Variants in ZFHX3 observed in about 807,000 individuals in gnomAD.
ZFHX3 encodes the protein zinc finger homeobox protein 3.
ZFHX3 carries 42 observed loss-of-function variants against 279.1 expected under a neutral mutation model. That is an observed-to-expected ratio of 0.15 (90% CI 0.12 to 0.19). The LOEUF (loss-of-function observed/expected upper bound fraction) is 0.19, where lower values mean the gene tolerates loss of function less well. Among genes scored for constraint, ZFHX3 ranks in the 10% least tolerant of loss-of-function variants. The pLI, the probability that ZFHX3 is intolerant of heterozygous loss-of-function variation, is 1.00. For missense variants in ZFHX3, 4,981 were observed against 4,754.0 expected (o/e 1.05, Z -1.40); for synonymous variants, 2,293 against 1,957.8 (o/e 1.17, Z -4.52).
At chr16:72,988,539 A>G (rs189400336) in intron 1 of ZFHX3, among the ~76,000 whole-genome samples, 117 of 152,332 alleles carry the variant, frequency 7.7e-4, no homozygotes, top group South Asian at 1.7e-3. Flanking sequence ...ACTGCTCTAA[A>G]TCACTTCTTT....
chr16:73,858,068 C>G (rs917216988), intron 1 of ZFHX3, among the ~76,000 whole-genome samples: 1 of 151,056 alleles, frequency 6.6e-6, no homozygotes, highest in Admixed American at 6.6e-5. Flanking sequence ...TGTACTCCAG[C>G]CTGGGCAACA....
chr16:73,552,322 C>A (rs1216814500), intron 2 of ZFHX3, among the ~76,000 whole-genome samples: 2 of 152,080 alleles, frequency 1.3e-5, no homozygotes, highest in East Asian at 3.9e-4. Flanking sequence ...GAAATACATA[C>A]CTATTATGCC....
chr16:73,439,924 A>G, intron 3 of ZFHX3, among the ~76,000 whole-genome samples: 1 of 145,770 alleles, frequency 6.9e-6, no homozygotes, highest in African/African-American at 2.8e-5. Context: ...AAAAAAAAAA[A>G]AAAAAAAACA....
chr16:73,865,495 C>T (rs948216575), intron 1 of ZFHX3, among the ~76,000 whole-genome samples: 1 of 152,264 alleles, frequency 6.6e-6, no homozygotes, highest in East Asian at 1.9e-4. Flanking sequence ...AACTGAGATC[C>T]CCTAACCTCC....
intron 2 of ZFHX3, among the ~76,000 whole-genome samples, chr16:73,543,312 T>A (rs2020050120): frequency 6.6e-6 from 1 of 152,154 alleles, no homozygotes; most frequent in African/African-American, 2.4e-5. Flanking sequence ...ACAAATACGA[T>A]TATTTATGCA....
chr16:73,831,996 G>T (rs570766073), intron 1 of ZFHX3, among the ~76,000 whole-genome samples: 2 of 152,186 alleles, frequency 1.3e-5, no homozygotes, highest in Admixed American at 6.5e-5. Flanking sequence ...TGCCGCCCGG[G>T]TTCCAGGGAT....
chr16:73,344,427 C>T (rs1182031106), intron 3 of ZFHX3, among the ~76,000 whole-genome samples: 2 of 152,140 alleles, frequency 1.3e-5, no homozygotes, highest in Admixed American at 6.5e-5. Flanking sequence ...TTGAAAGAAA[C>T]TAGAGAGATG....
intron 2 of ZFHX3, among the ~76,000 whole-genome samples, chr16:73,625,920 C>T (rs763977502): frequency 1.3e-5 from 2 of 152,172 alleles, no homozygotes; most frequent in South Asian, 2.1e-4. Flanking sequence ...TTCAGCGGCA[C>T]GATCTCTGCT....
intron 2 of ZFHX3, among the ~76,000 whole-genome samples, chr16:73,516,120 T>C (rs1348013506): frequency 6.6e-6 from 1 of 152,224 alleles, no homozygotes; most frequent in Non-Finnish European, 1.5e-5. Context: ...TACCATTCCA[T>C]GAGCTATACA....
At position 72,793,180 on chromosome 16, in the gene ZFHX3, G is replaced by T; in HGVS notation, c.9427+75C>A. On this transcript the variant is annotated intron_variant, in intron 9 of 9. Transcript: ENST00000268489. This position sits in a 1 kb window ranked among gnomAD's most constrained non-coding sequence, Gnocchi z 4.3. ...CATCTGCCCAGCACTCAGAGGGTTTGGGTGGTATCCACATAACAGAATGCT... is the reference window on the plus strand; with the variant it reads ...CATCTGCCCAGCACTCAGAGGGTTTTGGTGGTATCCACATAACAGAATGCT... 1.3e-6 allele frequency: 2 copies of T among 1,524,618 alleles called. No homozygotes were observed. The highest frequency in any genetic ancestry group is 1.8e-6 in the Non-Finnish European group (2 of 1,138,868). The allele number at this position is 1,524,618 out of a possible 1,614,324, so 94.4% of individuals were successfully genotyped here. A position where few individuals can be genotyped will look rare whatever the true frequency, so the allele number is the denominator to read the frequency against.
intron 3 of ZFHX3, among the ~76,000 whole-genome samples, chr16:73,319,398 G>T (rs1013506136): frequency 6.6e-6 from 1 of 152,090 alleles, no homozygotes; most frequent in African/African-American, 2.4e-5. Context: ...ATAGGGGATA[G>T]GGAAGGAGAA....
At chr16:73,072,538 T>C (rs1351013668) in intron 8 of ZFHX3, among the ~76,000 whole-genome samples, 1 of 152,092 alleles carries the variant, frequency 6.6e-6, no homozygotes, top group Non-Finnish European at 1.5e-5. Context: ...GTTAATATAG[T>C]ACCTGCCTTC....
chr16:72,981,370 T>C (rs1276937091), intron 1 of ZFHX3, among the ~76,000 whole-genome samples: 4 of 152,218 alleles, frequency 2.6e-5, no homozygotes, highest in Non-Finnish European at 5.9e-5. Flanking sequence ...ATATAACAGC[T>C]TGATTTCAAG....
chr16:73,719,099 G>A (rs2053447789), intron 1 of ZFHX3, among the ~76,000 whole-genome samples: 1 of 152,184 alleles, frequency 6.6e-6, no homozygotes. Context: ...ATCTCCCTGT[G>A]TATCAAGAAC....
chr16:73,867,880 C>T (rs1962068565), intron 1 of ZFHX3, among the ~76,000 whole-genome samples: 1 of 152,176 alleles, frequency 6.6e-6, no homozygotes, highest in Non-Finnish European at 1.5e-5. Flanking sequence ...AGGTGATGTC[C>T]TCTCAAAGGA....
intron 4 of ZFHX3, chr16:73,293,872 G>C (rs1340273215): frequency 6.6e-6 from 1 of 151,800 alleles, no homozygotes; most frequent in African/African-American, 2.4e-5. Flanking sequence ...CGAGGATTTG[G>C]GGTCATTGGC....
chr16:73,334,810 CTTTTTTTTTTTTTTTT>C (rs368597124), intron 3 of ZFHX3, among the ~76,000 whole-genome samples: 2 of 57,858 alleles, frequency 3.5e-5, no homozygotes, highest in Admixed American at 2.6e-4. Context: ...CTTTCTCATT[CTTTTTTTTTTTTTTTT>C]TTTTTTTTTT....
chr16:73,430,524 C>T (rs537335619), intron 3 of ZFHX3, among the ~76,000 whole-genome samples: 1 of 152,266 alleles, frequency 6.6e-6, no homozygotes, highest in African/African-American at 2.4e-5. Context: ...GCACATGGCG[C>T]TTCTGCGGGC....
intron 4 of ZFHX3, among the ~76,000 whole-genome samples, chr16:72,857,843 A>C (rs2037791184): frequency 6.6e-6 from 1 of 152,218 alleles, no homozygotes; most frequent in African/African-American, 2.4e-5. Flanking sequence ...AGGTTGTATA[A>C]TTCATGCCAC....
Sources: allele counts gnomAD v4.1 joint callset (sites outside exome capture counted in the v4.1 genomes callset), GRCh38; gene constraint gnomAD v4.1.1; non-coding constraint Gnocchi (gnomAD v3.1); transcripts MANE v1.5; gene names NCBI Gene and HGNC (gene_info 2026-07-23, HGNC 2026-07-21).